Variants in TNIP2 observed in about 807,000 individuals in gnomAD.
The protein encoded by TNIP2 is TNFAIP3 interacting protein 2, also known as TNFAIP3-interacting protein 2.
In TNIP2, 30 loss-of-function variants were observed where a neutral mutation model predicts 43.7. The ratio of observed to expected loss-of-function variants is 0.69; its 90% CI spans 0.51 to 0.93. TNIP2 has a LOEUF of 0.93. Ranked by LOEUF, TNIP2 falls within the 40% of genes least tolerant of loss-of-function variation. The pLI, the probability that TNIP2 is intolerant of heterozygous loss-of-function variation, is 0.00. For synonymous variants in TNIP2, 260 were observed against 254.6 expected, an observed-to-expected ratio of 1.02 and a Z score of -0.20; for missense variants, 599 against 591.0, an observed-to-expected ratio of 1.01 and a Z score of -0.14.
At chr4:2,755,186 T>TAC (rs915522115) in intron 1 of TNIP2, among the ~76,000 whole-genome samples, 2 of 151,448 alleles carry the variant, frequency 1.3e-5, no homozygotes, top group South Asian at 2.1e-4. Flanking sequence ...CATGTGTGCG[T>TAC]ACACACACAC....
intron 1 of TNIP2, among the ~76,000 whole-genome samples, chr4:2,753,857 G>A (rs1722160782): frequency 1.3e-5 from 2 of 152,190 alleles, no homozygotes; most frequent in South Asian, 2.1e-4. Context: ...GGAGAGAGTG[G>A]AGTAGGGGAG....
chr4:2,752,934 C>A (rs1237794637), intron 1 of TNIP2, among the ~76,000 whole-genome samples: 1 of 151,668 alleles, frequency 6.6e-6, no homozygotes, highest in Non-Finnish European at 1.5e-5. Flanking sequence ...GTGGTAGGCT[C>A]TTCGCCTATA....
Position 2,744,731 on chromosome 4 carries a change from G to A in TNIP2, c.872C>T (p.Ala291Val), listed in dbSNP as rs1302602592. 9 of 1,606,078 alleles carry A rather than the reference G, an allele frequency of 5.6e-6. No homozygotes were observed. Among genetic ancestry groups the A allele is most frequent in the Non-Finnish European group, 6.8e-6 (8 of 1,179,964 alleles). ...CAGCATCTGCACCCGCTCCAACGCA[G>A]CATCCCGGGCCGTCCTGGAGGCCGC... ...ELAASRTARD[A>V]ALERVQMLEQ... The change falls in exon 4 of 6, where the codon GCT becomes GTT. Residue 291 changes from alanine (A) to valine (V), a missense_variant. Physicochemically the swap from Ala to Val is moderately conservative, Grantham distance 64. Transcript: ENST00000315423. The surrounding 1 kb of genome is among the most constrained non-coding windows in gnomAD (Gnocchi z 5.1).
chr4:2,755,911 T>C (rs1577314672), intron 1 of TNIP2, 103 bp downstream of exon 1: 2 of 1,223,644 alleles, frequency 1.6e-6, no homozygotes, highest in African/African-American at 2.3e-5. Flanking sequence ...CAGTACCCCC[T>C]CAACCCCTCA....
At chr4:2,752,438 C>T (rs1722127607) in intron 1 of TNIP2, among the ~76,000 whole-genome samples, 1 of 152,204 alleles carries the variant, frequency 6.6e-6, no homozygotes, top group South Asian at 2.1e-4. Flanking sequence ...ATTCTCTGGC[C>T]TGATCTTGCC....
Position 2,745,506 on chromosome 4 carries a change from G to T in TNIP2, c.597C>A (p.Val199=). 1 of 1,614,040 alleles carries T rather than the reference G, an allele frequency of 6.2e-7. No individual in the cohort carries two copies. Among genetic ancestry groups the T allele is most frequent in the Non-Finnish European group, 8.5e-7 (1 of 1,179,948 alleles). ...CCTGCAACTTCTCAATAACACTCTG[G>T]ACAGAGGTGTGCCCATCTGTGTGTT... ...QSEHTDGHTS[V]QSVIEKLQEE... The change falls in exon 3 of 6, where the codon GTC becomes GTA. Residue 199 remains valine (V), a synonymous_variant. Coordinates refer to ENST00000315423, the MANE Select transcript of TNIP2 (RefSeq NM_024309.4).
chr4:2,756,003 C>T lies in TNIP2; in HGVS notation c.276+11G>A. ...TCGCTCCCGCAGCTCCTCTGGTACC[C>T]GCCCTCGTACCTGGCGCATCTGGGC... On this transcript the variant is annotated intron_variant, in intron 1 of 5. Coordinates refer to ENST00000315423, the MANE Select transcript of TNIP2 (RefSeq NM_024309.4). 6.5e-7 allele frequency: 1 copy of T among 1,540,308 alleles called. No homozygotes were observed. The highest frequency in any genetic ancestry group is 8.7e-7 in the Non-Finnish European group (1 of 1,155,574).
intron 2 of TNIP2, 106 bp downstream of exon 2, chr4:2,747,549 A>G: frequency 2.6e-6 from 3 of 1,167,838 alleles, no homozygotes; most frequent in Non-Finnish European, 3.6e-6. Context: ...TACTGAGAAC[A>G]GAAGTGGGTT....
In TNIP2 at chr4:2,745,244, T is replaced by C. The variant is rs553220094; in HGVS notation, c.657+202A>G. On this transcript the variant is annotated intron_variant, in intron 3 of 5. Transcript: ENST00000315423. Reference sequence around the variant, plus strand: ...TGCATCTCCTTTACTGACTTGTGGATTAATTTTAGGGGGATGGAGATGGAC... The same window carrying C: ...TGCATCTCCTTTACTGACTTGTGGACTAATTTTAGGGGGATGGAGATGGAC... 3 of 608,486 alleles carry C rather than the reference T, an allele frequency of 4.9e-6. No individual in the cohort carries two copies. The South Asian group carries it at 6.0e-5, about 12-fold the overall frequency. 37.7% of individuals were successfully genotyped at this position (608,486 alleles called of 1,614,324 possible). A position where few individuals can be genotyped will look rare whatever the true frequency, so the allele number is the denominator to read the frequency against.
At chr4:2,752,869 C>A (rs1722137339) in intron 1 of TNIP2, among the ~76,000 whole-genome samples, 1 of 152,046 alleles carries the variant, frequency 6.6e-6, no homozygotes, top group African/African-American at 2.4e-5. Context: ...CATCATGCGA[C>A]CCCTTCTCTA....
intron 5 of TNIP2, 135 bp from the exon 6 acceptor site, chr4:2,742,655 C>A (rs1721827349): frequency 1.1e-6 from 1 of 934,712 alleles, no homozygotes; most frequent in Non-Finnish European, 1.5e-6. Context: ...TCCTGCTGCG[C>A]CCCAGAGCCC....
At chr4:2,755,858 C>A in intron 1 of TNIP2, 156 bp downstream of exon 1, 1 of 1,090,356 alleles carries the variant, frequency 9.2e-7, no homozygotes, top group African/African-American at 1.7e-5. Context: ...ACCTGGTGCT[C>A]CCCCAACCCC....
chr4:2,748,039 GC>G, intron 1 of TNIP2, 94 bp from the exon 2 acceptor site: 1 of 1,344,526 alleles, frequency 7.4e-7, no homozygotes, highest in Non-Finnish European at 1.0e-6. Flanking sequence ...TGGCGTGGAT[GC>G]CCCATCACCA....
Position 2,756,119 on chromosome 4 carries a change from C to A in TNIP2, c.171G>T (p.Gly57=). ...CGTCCACTAGGGACGGCGCGGCGTC[C>A]CCCTCCAGCGCGGCCAGGCGGGCGC... The part of the protein sequence containing the change: ...RLRARLAALE[G]DAAPSLVDAL... Residue 57 remains glycine, a synonymous_variant, in exon 1 of 6, where the codon GGG becomes GGT. Coordinates refer to ENST00000315423, the MANE Select transcript of TNIP2 (RefSeq NM_024309.4). The A allele has an allele frequency of 6.8e-7, 1 of 1,480,384 alleles. No individual in the cohort carries two copies. The highest frequency in any genetic ancestry group is 8.9e-7 in the Non-Finnish European group (1 of 1,124,416). 91.7% of individuals were successfully genotyped at this position (1,480,384 alleles called of 1,614,324 possible).
rs1721813936 is a variant in TNIP2 at position 2,742,347 on chromosome 4, C to T, written c.1200G>A (p.Gln400=). 6.3e-7 allele frequency: 1 copy of T among 1,589,882 alleles called. No individual in the cohort carries two copies. The highest frequency in any genetic ancestry group is 1.4e-5 in the African/African-American group (1 of 74,046). ...GGHPGAAQRG[Q]GDLQCPHCLQ... ...GGCAGTGAGGGCACTGAAGGTCCCC[C>T]TGGCCTCTCTGGGCCGCGCCAGGAT... Residue 400 remains glutamine (Q), a synonymous_variant, in exon 6 of 6, where the codon CAG becomes CAA. Coordinates refer to ENST00000315423, the MANE Select transcript of TNIP2 (RefSeq NM_024309.4).
Position 2,741,947 on chromosome 4 carries a change from G to C in TNIP2, c.*310C>G. ...AGCCACCCCTTTCTAGGCAGGCTGG[G>C]GGAGGGGCTGGCACACCAGCACCAG... On this transcript the variant is annotated 3_prime_UTR_variant, in exon 6 of 6. Transcript: ENST00000315423. The C allele has an allele frequency of 3.9e-6, 1 of 258,618 alleles. No individual in the cohort carries two copies. Among genetic ancestry groups the C allele is most frequent in the Non-Finnish European group, 7.3e-6 (1 of 136,716 alleles). The allele number at this position is 258,618 out of a possible 1,614,324, so 16.0% of individuals were successfully genotyped here. A position where few individuals can be genotyped will look rare whatever the true frequency, so the allele number is the denominator to read the frequency against.
Position 2,744,755 on chromosome 4 carries a change from G to C in TNIP2, c.848C>G (p.Ala283Gly). Reference protein sequence around the residue: ...NDCAEVKQELAASRTARDAAL... With the variant: ...NDCAEVKQELGASRTARDAAL... The stretch of plus-strand genomic sequence containing the variant: ...AGCATCCCGGGCCGTCCTGGAGGCC[G>C]CCAGCTCCTGCTTCACTTCGGCACA... Residue 283 changes from alanine to glycine, a missense_variant, in exon 4 of 6, where the codon GCG (alanine) becomes GGG (glycine). Physicochemically the swap from Ala to Gly is moderately conservative, Grantham distance 60 (BLOSUM62 0). Transcript: ENST00000315423. This position sits in a 1 kb window ranked among gnomAD's most constrained non-coding sequence, Gnocchi z 5.1. 1 of 1,609,240 alleles carries C rather than the reference G, an allele frequency of 6.2e-7. No individual in the cohort carries two copies.
intron 1 of TNIP2, among the ~76,000 whole-genome samples, chr4:2,751,393 A>G (rs964738991): frequency 4.6e-5 from 7 of 152,232 alleles, no homozygotes; most frequent in South Asian, 2.1e-4. Context: ...AAACAGCTCT[A>G]TTAATAGTCT....
intron 2 of TNIP2, among the ~76,000 whole-genome samples, chr4:2,746,665 CG>C (rs1721955841): frequency 6.6e-6 from 1 of 152,222 alleles, no homozygotes; most frequent in South Asian, 2.1e-4. Flanking sequence ...CATCCCAGCG[CG>C]TGTGTTTCTG....
Sources: gnomAD v4.1 joint callset for allele counts (sites outside exome capture counted in the v4.1 genomes callset) on GRCh38, gnomAD v4.1.1 for gene constraint, Gnocchi (gnomAD v3.1) non-coding constraint, MANE v1.5 for transcripts, NCBI Gene and HGNC (gene_info 2026-07-23, HGNC 2026-07-21) for gene names.